B3GALT1: variants seen among roughly 807,000 people sequenced by gnomAD.
B3GALT1 encodes the protein beta-1,3-galactosyltransferase 1.
In B3GALT1, 10 loss-of-function variants were observed where a neutral mutation model predicts 23.2. The ratio of observed to expected loss-of-function variants is 0.43; its 90% CI spans 0.27 to 0.73. The LOEUF (loss-of-function observed/expected upper bound fraction) is 0.73, where lower values mean the gene tolerates loss of function less well. Ranked by LOEUF, B3GALT1 falls within the 30% of genes least tolerant of loss-of-function variation. The pLI is 0.21. For synonymous variants in B3GALT1, 156 were observed against 141.5 expected, an observed-to-expected ratio of 1.10 and a Z score of -0.73; for missense variants, 299 against 405.4, an observed-to-expected ratio of 0.74 and a Z score of 2.25.
At chr2:167,485,815 G>A (rs1699619568) in intron 1 of B3GALT1, among the ~76,000 whole-genome samples, 1 of 152,130 alleles carries the variant, frequency 6.6e-6, no homozygotes, top group Non-Finnish European at 1.5e-5. Context: ...AATGTTCAGT[G>A]CCATTAGTTA....
At chr2:167,668,698 G>A (rs1360511247) in intron 3 of B3GALT1, among the ~76,000 whole-genome samples, 6 of 152,190 alleles carry the variant, frequency 3.9e-5, no homozygotes, top group Admixed American at 3.9e-4. Context: ...TCGGGTGGGA[G>A]TGACCCGATT....
intron 1 of B3GALT1, among the ~76,000 whole-genome samples, chr2:167,458,010 C>A (rs1342736330): frequency 2.0e-5 from 3 of 152,110 alleles, no homozygotes; most frequent in Admixed American, 2.0e-4. Flanking sequence ...GTATGCAATT[C>A]AATGTTATTA....
intron 2 of B3GALT1, among the ~76,000 whole-genome samples, chr2:167,534,231 T>C (rs1442180001): frequency 6.6e-6 from 1 of 152,170 alleles, no homozygotes; most frequent in Non-Finnish European, 1.5e-5. Context: ...CTCTTTTCTT[T>C]CCCTCTGGAA....
At chr2:167,667,015 C>T (rs1686208527) in intron 3 of B3GALT1, among the ~76,000 whole-genome samples, 2 of 150,796 alleles carry the variant, frequency 1.3e-5, no homozygotes, top group Non-Finnish European at 2.9e-5. Context: ...GGTTATTTGG[C>T]TCGTTAGTTG....
chr2:167,500,576 G>A (rs200270751), intron 2 of B3GALT1, among the ~76,000 whole-genome samples: 10 of 150,586 alleles, frequency 6.6e-5, no homozygotes, highest in Non-Finnish European at 1.0e-4. Flanking sequence ...TAGAGTAACC[G>A]CAGATAGATA....
chr2:167,821,163 A>ATTGAATCATATGTAATACTGTGCAGT (rs1689097696), intron 4 of B3GALT1, among the ~76,000 whole-genome samples: 1 of 152,184 alleles, frequency 6.6e-6, no homozygotes, highest in Non-Finnish European at 1.5e-5. Context: ...GCACTTTGCA[A>ATTGAATCATATGTAATACTGTGCAGT]TTGAATCATA....
chr2:167,429,131 A>T (rs979198299), intron 1 of B3GALT1, among the ~76,000 whole-genome samples: 1 of 151,878 alleles, frequency 6.6e-6, no homozygotes, highest in African/African-American at 2.4e-5. Flanking sequence ...TACAAAAAAA[A>T]TTAGCCGGGC....
At chr2:167,728,437 CAAAT>C (rs1451198873) in intron 3 of B3GALT1, among the ~76,000 whole-genome samples, 1 of 152,020 alleles carries the variant, frequency 6.6e-6, no homozygotes, top group Non-Finnish European at 1.5e-5. Context: ...GACAGATTGA[CAAAT>C]AAAATGACAA....
At position 167,446,076 on chromosome 2, in the gene B3GALT1, C is replaced by G. The variant is rs539733359; in HGVS notation, c.-510-44101C>G. 2.0e-4 allele frequency among the ~76,000 whole-genome samples: 31 copies of G among 152,344 alleles called. No homozygotes were observed. In the South Asian group the frequency reaches 6.4e-3, roughly 32 times the overall value. The stretch of plus-strand genomic sequence containing the variant: ...CAGACCTGGTGGTGACAAAATCTCT[C>G]AGCATTTGCTTGTCTGTAAAGGATT... On this transcript the variant is annotated intron_variant, in intron 1 of 4. Coordinates refer to ENST00000392690, the MANE Select transcript of B3GALT1 (RefSeq NM_020981.4).
At chr2:167,320,613 C>CT (rs943287487) in intron 1 of B3GALT1, among the ~76,000 whole-genome samples, 2 of 152,100 alleles carry the variant, frequency 1.3e-5, no homozygotes, top group Admixed American at 6.5e-5. Flanking sequence ...TGCTCTTTCT[C>CT]TTTTCACAGT....
At chr2:167,532,895 C>T in intron 2 of B3GALT1, among the ~76,000 whole-genome samples, 1 of 126,096 alleles carries the variant, frequency 7.9e-6, no homozygotes, top group African/African-American at 3.1e-5. Flanking sequence ...GAGTTTCGCT[C>T]TTGTTGCCCA....
chr2:167,591,812 G>A (rs1194575540), intron 2 of B3GALT1, among the ~76,000 whole-genome samples: 1 of 151,958 alleles, frequency 6.6e-6, no homozygotes, highest in Non-Finnish European at 1.5e-5. Context: ...TATTATAGCA[G>A]TTGTGTTGAG....
At chr2:167,313,690 C>G (rs1174854287) in intron 1 of B3GALT1, among the ~76,000 whole-genome samples, 3 of 152,094 alleles carry the variant, frequency 2.0e-5, no homozygotes, top group Non-Finnish European at 2.9e-5. Flanking sequence ...GACTGTCTAT[C>G]AGTGCAAGGT....
At chr2:167,703,505 G>A (rs1013553336) in intron 3 of B3GALT1, among the ~76,000 whole-genome samples, 115 of 115,096 alleles carry the variant, frequency 1.0e-3, no homozygotes, top group South Asian at 9.5e-3. Context: ...TTAAAATTAA[G>A]GTTAAAAACA....
intron 2 of B3GALT1, among the ~76,000 whole-genome samples, chr2:167,632,154 G>A (rs535532751): frequency 1.3e-5 from 2 of 151,930 alleles, no homozygotes; most frequent in Non-Finnish European, 2.9e-5. Context: ...ATAGTATTCC[G>A]TGGCATATAT....
chr2:167,869,106 T>A lies in B3GALT1; in HGVS notation c.67T>A (p.Leu23Met). The A allele has an allele frequency of 6.2e-7, 1 of 1,614,204 alleles. No individual in the cohort carries two copies. Residue 23 changes from leucine to methionine, a missense_variant, in exon 5 of 5, where the codon TTG becomes ATG. Physicochemically the swap from Leu to Met is conservative, Grantham distance 15 (BLOSUM62 2). Around this residue, in one of 3 missense-constraint regions of B3GALT1, gnomAD observed 162 missense variants for 184.1 expected, o/e 0.88. Transcript: ENST00000392690. The surrounding 1 kb of genome is among the most constrained non-coding windows in gnomAD (Gnocchi z 6.4). ...GTGCTGGGCCAGCGCTCTCTGGTACTTGAGTATAACTCGCCCTACTTCTTC... is the reference window on the plus strand; with the variant it reads ...GTGCTGGGCCAGCGCTCTCTGGTACATGAGTATAACTCGCCCTACTTCTTC... ...VVCWASALWY[L>M]SITRPTSSYT...
At chr2:167,490,859 A>G (rs1362838337) in intron 2 of B3GALT1, among the ~76,000 whole-genome samples, 3 of 152,116 alleles carry the variant, frequency 2.0e-5, no homozygotes, top group Non-Finnish European at 2.9e-5. Flanking sequence ...TGGGTTCTAG[A>G]TTTTCAGTGG....
chr2:167,705,205 A>G (rs1303690920), intron 3 of B3GALT1, among the ~76,000 whole-genome samples: 1 of 152,190 alleles, frequency 6.6e-6, no homozygotes, highest in Non-Finnish European at 1.5e-5. Flanking sequence ...GTCAACGTAT[A>G]CTTGTTTGAG....
intron 1 of B3GALT1, among the ~76,000 whole-genome samples, chr2:167,437,058 CTTTCA>C (rs1698797828): frequency 6.6e-6 from 1 of 152,094 alleles, no homozygotes; most frequent in Admixed American, 6.6e-5. Context: ...CCCCAAGCTC[CTTTCA>C]TTGAATTTCT....
Sources: allele counts gnomAD v4.1 joint callset (sites outside exome capture counted in the v4.1 genomes callset), GRCh38; gene constraint gnomAD v4.1.1; regional missense constraint gnomAD v4.1.1; non-coding constraint Gnocchi (gnomAD v3.1); transcripts MANE v1.5; gene names NCBI Gene and HGNC (gene_info 2026-07-23, HGNC 2026-07-21).